Variants in FOXK1 observed in about 807,000 individuals in gnomAD.
The protein encoded by FOXK1 is forkhead box K1.
In FOXK1, 19 loss-of-function variants were observed where a neutral mutation model predicts 51.9. The ratio of observed to expected loss-of-function variants is 0.37; its 90% CI spans 0.26 to 0.54. FOXK1 has a LOEUF of 0.54. Ranked by LOEUF, FOXK1 falls within the 20% of genes least tolerant of loss-of-function variation. The pLI is 0.87. For synonymous variants in FOXK1, 537 were observed against 482.6 expected (o/e 1.11, Z -1.48); for missense variants, 870 against 1,032.7 (o/e 0.84, Z 2.16).
chr7:4,696,642 C>T (rs1177617175), intron 1 of FOXK1, among the ~76,000 whole-genome samples: 1 of 152,192 alleles, frequency 6.6e-6, no homozygotes, highest in African/African-American at 2.4e-5. Context: ...GTTCTCAGTG[C>T]CTCGCCCAGT....
Position 4,769,054 on chromosome 7 carries a change from G to C in FOXK1, c.*6590G>C, listed in dbSNP as rs12671706. 1 of 152,136 alleles carries C rather than the reference G, an allele frequency of 6.6e-6. No individual in the cohort carries two copies. The highest frequency in any genetic ancestry group is 2.4e-5 in the African/African-American group (1 of 41,418). 9.4% of individuals were successfully genotyped at this position (152,136 alleles called of 1,614,324 possible). A position where few individuals can be genotyped will look rare whatever the true frequency, so the allele number is the denominator to read the frequency against. On this transcript the variant is annotated 3_prime_UTR_variant, in exon 9 of 9. Transcript: ENST00000328914. The surrounding 1 kb of genome is among the most constrained non-coding windows in gnomAD (Gnocchi z 4.1). ...ATTGGTGAGGCTTTGGAAATTTTTTGTTTCTTCTACTCATCCTAATGGCTG... is the reference window on the plus strand; with the variant it reads ...ATTGGTGAGGCTTTGGAAATTTTTTCTTTCTTCTACTCATCCTAATGGCTG...
Position 4,711,010 on chromosome 7 carries a change from G to T in FOXK1, c.560+28142G>T, listed in dbSNP as rs1456436473. Among the ~76,000 whole-genome samples, 2 of 152,338 alleles carry T rather than the reference G, an allele frequency of 1.3e-5. No homozygotes were observed. Among genetic ancestry groups the T allele is most frequent in the South Asian group, 4.1e-4 (2 of 4,832 alleles). ...TGGGAAGCCCCATCACGGTGCCTGA[G>T]CTTCACGGAGTTGCAGAGCAGCCTG... On this transcript the variant is annotated intron_variant, in intron 1 of 8. Transcript: ENST00000328914. This position sits in a 1 kb window ranked among gnomAD's most constrained non-coding sequence, Gnocchi z 6.3.
intron 1 of FOXK1, among the ~76,000 whole-genome samples, chr7:4,728,549 C>T (rs932831938): frequency 6.6e-6 from 1 of 152,078 alleles, no homozygotes; most frequent in Non-Finnish European, 1.5e-5. Context: ...GTGGGAGCCA[C>T]GTGCTGTGGG....
chr7:4,721,282 A>AC (rs924876164), intron 1 of FOXK1, among the ~76,000 whole-genome samples: 3 of 149,126 alleles, frequency 2.0e-5, no homozygotes, highest in African/African-American at 5.0e-5. Context: ...GGCCTTGGAA[A>AC]CCCCCCGGAG....
Position 4,682,768 on chromosome 7 carries a change from C to G in FOXK1, c.460C>G (p.Gln154Glu), listed in dbSNP as rs768601633. 6.3e-7 allele frequency: 1 copy of G among 1,596,522 alleles called. No individual in the cohort carries two copies. The highest frequency in any genetic ancestry group is 8.5e-7 in the Non-Finnish European group (1 of 1,176,766). ...GCGGCGCCACCTGCAGCTCAGCTTCCAGGAGCCGCACTTCTACCTGCGCTG... is the reference window on the plus strand; with the variant it reads ...GCGGCGCCACCTGCAGCTCAGCTTCGAGGAGCCGCACTTCTACCTGCGCTG... ...ISRRHLQLSF[Q>E]EPHFYLRCLG... is the part of the protein sequence containing the mutation. The change falls in exon 1 of 9, where the codon CAG becomes GAG. Residue 154 changes from glutamine to glutamate, a missense_variant. Physicochemically the swap from Gln to Glu is conservative, Grantham distance 29. Coordinates refer to ENST00000328914, the MANE Select transcript of FOXK1 (RefSeq NM_001037165.2). This position sits in a 1 kb window ranked among gnomAD's most constrained non-coding sequence, Gnocchi z 7.6.
Position 4,753,503 on chromosome 7 carries a change from TGA to T in FOXK1, c.747-952_747-951del, listed in dbSNP as rs747123797. ...CCCGCCACGGGGGCTCTAAGTCAGC[TGA>T]GAGGGGGGATGTCAGCATCACAGGT... is the stretch of plus-strand genomic sequence containing the variant. On this transcript the variant is annotated intron_variant, in intron 2 of 8. Coordinates refer to ENST00000328914, the MANE Select transcript of FOXK1 (RefSeq NM_001037165.2). This position sits in a 1 kb window ranked among gnomAD's most constrained non-coding sequence, Gnocchi z 4.9. Among the ~76,000 whole-genome samples, 4 of 151,946 alleles carry T rather than the reference TGA, an allele frequency of 2.6e-5. No individual in the cohort carries two copies. Among genetic ancestry groups the T allele is most frequent in the South Asian group, 2.1e-4 (1 of 4,790 alleles).
chr7:4,725,190 C>A (rs1015080658), intron 1 of FOXK1, among the ~76,000 whole-genome samples: 7 of 152,246 alleles, frequency 4.6e-5, no homozygotes, highest in Non-Finnish European at 7.3e-5. Flanking sequence ...CATTTCACTG[C>A]GAGTTGGGGT....
chr7:4,751,264 C>T (rs1780771992), intron 2 of FOXK1, among the ~76,000 whole-genome samples: 1 of 150,110 alleles, frequency 6.7e-6, no homozygotes, highest in African/African-American at 2.5e-5. Flanking sequence ...CATGATCCAC[C>T]CTCCTCGGGT....
rs979922275 is a variant in FOXK1, at chr7:4,745,061, C to T, written c.746+4038C>T. On this transcript the variant is annotated intron_variant, in intron 2 of 8. Transcript: ENST00000328914. The surrounding 1 kb of genome is among the most constrained non-coding windows in gnomAD (Gnocchi z 4.3). Reference sequence around the variant, plus strand: ...AGGGTGGAGCCGGCGTGTTTACAAACACTCCCTGCCCTTCCCTGCCACCTC... The same window carrying T: ...AGGGTGGAGCCGGCGTGTTTACAAATACTCCCTGCCCTTCCCTGCCACCTC... Among the ~76,000 whole-genome samples, 5 of 152,226 alleles carry T rather than the reference C, an allele frequency of 3.3e-5. No homozygotes were observed. The highest frequency in any genetic ancestry group is 5.9e-5 in the Non-Finnish European group (4 of 68,036).
chr7:4,714,601 T>C (rs924790683), intron 1 of FOXK1, among the ~76,000 whole-genome samples: 14 of 152,248 alleles, frequency 9.2e-5, no homozygotes, highest in African/African-American at 3.4e-4. Flanking sequence ...AGGAAAAGTT[T>C]AGGTTTAAAG....
In FOXK1 at chr7:4,759,443, T is replaced by G; in HGVS notation, c.1544T>G (p.Val515Gly). ...CAGCCCGCGGGCCACGCCATCCACG[T>G]CGTGCAGCAGGCCCCCACCGTCACC... ...SQQPAGHAIHVVQQAPTVTMV... is the reference protein window; with the variant it reads ...SQQPAGHAIHGVQQAPTVTMV... The change falls in exon 7 of 9, where the codon GTC (valine) becomes GGC (glycine). Residue 515 changes from valine (V) to glycine (G), a missense_variant. Coordinates refer to ENST00000328914, the MANE Select transcript of FOXK1 (RefSeq NM_001037165.2). 6.3e-7 allele frequency: 1 copy of G among 1,594,500 alleles called. No homozygotes were observed. Among genetic ancestry groups the G allele is most frequent in the East Asian group, 2.3e-5 (1 of 44,266 alleles).
Position 4,731,758 on chromosome 7 carries a change from C to CA in FOXK1, c.561-9061dup, listed in dbSNP as rs374959543. Reference sequence around the variant, plus strand: ...TGGGCAACAAAGCGAAACTCTGCCTCAAAAAAAAAAAAAAAAAAAGAAAAC... The same window carrying CA: ...TGGGCAACAAAGCGAAACTCTGCCTCAAAAAAAAAAAAAAAAAAAAGAAAAC... On this transcript the variant is annotated intron_variant, in intron 1 of 8. Coordinates refer to ENST00000328914, the MANE Select transcript of FOXK1 (RefSeq NM_001037165.2). This position sits in a 1 kb window ranked among gnomAD's most constrained non-coding sequence, Gnocchi z 5.3. Among the ~76,000 whole-genome samples the CA allele has an allele frequency of 0.062, 4,217 of 68,252 alleles. 119 individuals carry two copies. The highest frequency in any genetic ancestry group is 0.11 in the African/African-American group (2,298 of 20,938). The allele number at this position is 68,252 out of a possible 152,430, so 44.8% of individuals were successfully genotyped here. A position where few individuals can be genotyped will look rare whatever the true frequency, so the allele number is the denominator to read the frequency against.
chr7:4,728,374 C>T (rs10231928), intron 1 of FOXK1, among the ~76,000 whole-genome samples: 200 of 152,342 alleles, frequency 1.3e-3, no homozygotes, highest in African/African-American at 4.5e-3. Flanking sequence ...CCGGCTGCGG[C>T]TGTGCTGCTG....
chr7:4,696,858 A>G (rs1779958176), intron 1 of FOXK1, among the ~76,000 whole-genome samples: 1 of 152,154 alleles, frequency 6.6e-6, no homozygotes, highest in Non-Finnish European at 1.5e-5. Context: ...ACTTGAGGCC[A>G]GGAGTTCGAG....
Position 4,747,800 on chromosome 7 carries a change from G to A in FOXK1, c.747-6659G>A, listed in dbSNP as rs1427624584. On this transcript the variant is annotated intron_variant, in intron 2 of 8. Transcript: ENST00000328914. The surrounding 1 kb of genome is among the most constrained non-coding windows in gnomAD (Gnocchi z 9.2). Reference sequence around the variant, plus strand: ...CCACCTTGACCTCCCAAAGTGCCAAGATTACAAGCCTGGGCCTGTTTTTGT... The same window carrying A: ...CCACCTTGACCTCCCAAAGTGCCAAAATTACAAGCCTGGGCCTGTTTTTGT... Among the ~76,000 whole-genome samples the A allele has an allele frequency of 6.6e-6, 1 of 152,082 alleles. No homozygotes were observed. The highest frequency in any genetic ancestry group is 2.4e-5 in the African/African-American group (1 of 41,402).
At chr7:4,712,834 G>A (rs889683887) in intron 1 of FOXK1, among the ~76,000 whole-genome samples, 2 of 152,200 alleles carry the variant, frequency 1.3e-5, no homozygotes, top group Non-Finnish European at 2.9e-5. Context: ...ACACAGCGGC[G>A]TGATGAGGAT....
intron 1 of FOXK1, among the ~76,000 whole-genome samples, chr7:4,721,917 G>T (rs558892846): frequency 6.6e-6 from 1 of 152,268 alleles, no homozygotes; most frequent in East Asian, 1.9e-4. Context: ...TTTGAGTTTT[G>T]TTTTTCCAAA....
chr7:4,700,161 T>A (rs1370413347), intron 1 of FOXK1, among the ~76,000 whole-genome samples: 1 of 152,172 alleles, frequency 6.6e-6, no homozygotes, highest in Non-Finnish European at 1.5e-5. Context: ...TGGCCTGTCG[T>A]TGTTTGTGGT....
intron 1 of FOXK1, among the ~76,000 whole-genome samples, chr7:4,689,790 G>A (rs974618876): frequency 5.9e-5 from 9 of 152,318 alleles, no homozygotes; most frequent in African/African-American, 2.2e-4. Context: ...CCACTACGTG[G>A]CATCAAGGAC....
Sources: allele counts gnomAD v4.1 joint callset (sites outside exome capture counted in the v4.1 genomes callset), GRCh38; gene constraint gnomAD v4.1.1; non-coding constraint Gnocchi (gnomAD v3.1); transcripts MANE v1.5; gene names NCBI Gene and HGNC (gene_info 2026-07-23, HGNC 2026-07-21).